Variants in UNC5C observed in about 807,000 individuals in gnomAD.
UNC5C encodes the protein netrin receptor UNC5C.
In UNC5C, 47 loss-of-function variants were observed where a neutral mutation model predicts 99.8. The ratio of observed to expected loss-of-function variants is 0.47; its 90% CI spans 0.37 to 0.60. The LOEUF is 0.60. UNC5C is among the 20% of genes least tolerant of loss of function. The probability of loss-of-function intolerance (pLI) is 0.00; values close to 1 mark genes in which losing one functional copy is unlikely to be tolerated. For synonymous variants in UNC5C, 487 were observed against 452.2 expected (o/e 1.08, Z -0.98); for missense variants, 1,062 against 1,165.9 (o/e 0.91, Z 1.30).
intron 7 of UNC5C, among the ~76,000 whole-genome samples, chr4:95,229,374 T>C (rs1428628508): frequency 6.6e-6 from 1 of 150,710 alleles, no homozygotes; most frequent in Non-Finnish European, 1.5e-5. Flanking sequence ...GAACATGCAG[T>C]GTTTGGTTTT....
chr4:95,252,749 G>A (rs573134566), intron 4 of UNC5C, among the ~76,000 whole-genome samples: 11 of 152,242 alleles, frequency 7.2e-5, no homozygotes, highest in South Asian at 2.1e-4. Flanking sequence ...CCTCATGACC[G>A]GTTGCAGTCA....
chr4:95,438,061 C>T (rs1296496463), intron 1 of UNC5C, among the ~76,000 whole-genome samples: 1 of 32,680 alleles, frequency 3.1e-5, no homozygotes, highest in African/African-American at 6.1e-5. Context: ...CACAGGATCT[C>T]CATTTACAGA....
In UNC5C at chr4:95,275,025, C is replaced by CAAACAAAACA. The variant is rs56173593; in HGVS notation, c.594+3224_594+3233dup. ...TGGATGACAGAGCAAGACTCCGTGT[C>CAAACAAAACA]AAACAAAACAAAACAAAACAAAACA... On this transcript the variant is annotated intron_variant, in intron 4 of 15. Coordinates refer to ENST00000453304, the MANE Select transcript of UNC5C (RefSeq NM_003728.4). 7.1e-4 allele frequency among the ~76,000 whole-genome samples: 106 copies of CAAACAAAACA among 150,266 alleles called. 1 individual carries two copies. The highest frequency in any genetic ancestry group is 1.9e-3 in the South Asian group (9 of 4,708).
intron 1 of UNC5C, among the ~76,000 whole-genome samples, chr4:95,532,216 G>T (rs768418337): frequency 1.3e-5 from 2 of 152,092 alleles, no homozygotes; most frequent in African/African-American, 4.8e-5. Context: ...ATCTCTGAGG[G>T]TGAGGAGATT....
At chr4:95,394,810 G>GA (rs1315675622) in intron 1 of UNC5C, among the ~76,000 whole-genome samples, 2 of 143,996 alleles carry the variant, frequency 1.4e-5, no homozygotes, top group African/African-American at 2.6e-5. Flanking sequence ...TAGGATTGAT[G>GA]AAAAAAATGG....
At position 95,548,842 on chromosome 4, in the gene UNC5C, G is replaced by T. The variant is rs765835503; in HGVS notation, c.16C>A (p.Arg6=). 3.7e-6 allele frequency: 6 copies of T among 1,613,000 alleles called. No homozygotes were observed. The South Asian group carries it at 5.5e-5, about 15-fold the overall frequency. The change falls in exon 1 of 16, where the codon CGG becomes AGG. Residue 6 remains arginine (R), a synonymous_variant. Coordinates refer to ENST00000453304, the MANE Select transcript of UNC5C (RefSeq NM_003728.4). MRKGL[R]ATAARCGLGL... ...AGTCCGCAGCGGGCCGCTGTCGCCC[G>T]CAGACCTTTCCTCATCGTAGACAGA...
intron 10 of UNC5C, among the ~76,000 whole-genome samples, chr4:95,214,546 G>T (rs1738181420): frequency 1.3e-5 from 2 of 152,246 alleles, no homozygotes; most frequent in African/African-American, 4.8e-5. Context: ...GCCAAGGAAA[G>T]TATGGGGAGA....
chr4:95,442,298 GCT>G (rs1170417252), intron 1 of UNC5C, among the ~76,000 whole-genome samples: 1 of 151,774 alleles, frequency 6.6e-6, no homozygotes, highest in Non-Finnish European at 1.5e-5. Flanking sequence ...GAATTCCTGG[GCT>G]CAAGTGATCC....
chr4:95,384,631 C>A (rs1745161425), intron 1 of UNC5C, among the ~76,000 whole-genome samples: 1 of 152,068 alleles, frequency 6.6e-6, no homozygotes, highest in Non-Finnish European at 1.5e-5. Context: ...GACATCCTGG[C>A]AGGAGGTCAT....
intron 7 of UNC5C, among the ~76,000 whole-genome samples, chr4:95,232,486 T>C (rs1738948882): frequency 6.6e-6 from 1 of 152,108 alleles, no homozygotes; most frequent in Non-Finnish European, 1.5e-5. Flanking sequence ...ATCTGCTAGA[T>C]TTCTAGCAAG....
chr4:95,419,864 C>T (rs1332546629), intron 1 of UNC5C, among the ~76,000 whole-genome samples: 1 of 152,034 alleles, frequency 6.6e-6, no homozygotes, highest in African/African-American at 2.4e-5. Context: ...TCATTGGCCT[C>T]TAGAACTTAA....
intron 1 of UNC5C, among the ~76,000 whole-genome samples, chr4:95,505,534 T>C (rs1022913293): frequency 1.3e-5 from 2 of 152,040 alleles, no homozygotes; most frequent in Admixed American, 6.6e-5. Flanking sequence ...ATAAACACTT[T>C]TTTTGGTTCT....
chr4:95,503,519 TAG>T (rs1578198786), intron 1 of UNC5C, among the ~76,000 whole-genome samples: 1 of 152,174 alleles, frequency 6.6e-6, no homozygotes, highest in East Asian at 1.9e-4. Flanking sequence ...TATTGTCTAT[TAG>T]AGAGTCATTT....
chr4:95,166,996 GTAT>G lies in UNC5C; in HGVS notation c.*2235_*2237del, dbSNP rs1735881240. 1 of 152,072 alleles carries G rather than the reference GTAT, an allele frequency of 6.6e-6. No individual in the cohort carries two copies. Among genetic ancestry groups the G allele is most frequent in the Non-Finnish European group, 1.5e-5 (1 of 68,012 alleles). 9.4% of individuals were successfully genotyped at this position (152,072 alleles called of 1,614,324 possible). ...GAGAGATTTTATAGAATATATGTAT[GTAT>G]GTCCAAAACAGAAGATACGGAATAA... On this transcript the variant is annotated 3_prime_UTR_variant, in exon 16 of 16. Transcript: ENST00000453304.
intron 1 of UNC5C, among the ~76,000 whole-genome samples, chr4:95,485,547 A>G (rs1721301647): frequency 6.6e-6 from 1 of 151,788 alleles, no homozygotes; most frequent in South Asian, 2.1e-4. Flanking sequence ...AAGGAAACTA[A>G]CATTAACACC....
intron 3 of UNC5C, among the ~76,000 whole-genome samples, chr4:95,293,749 C>A (rs1043679049): frequency 1.3e-5 from 2 of 152,164 alleles, no homozygotes; most frequent in African/African-American, 4.8e-5. Context: ...TGGCCTGACT[C>A]ACTGCTCCAT....
At chr4:95,434,443 G>A (rs1487648772) in intron 1 of UNC5C, among the ~76,000 whole-genome samples, 1 of 152,046 alleles carries the variant, frequency 6.6e-6, no homozygotes, top group Non-Finnish European at 1.5e-5. Flanking sequence ...ACGCAAGAAG[G>A]GGCACCTTAC....
At chr4:95,301,844 T>C (rs1388037741) in intron 2 of UNC5C, 95 bp from the exon 3 acceptor site, 2 of 1,460,024 alleles carry the variant, frequency 1.4e-6, no homozygotes, top group East Asian at 2.5e-5. Flanking sequence ...TCATCCCTTT[T>C]GATGCCATAG....
At chr4:95,211,915 T>G (rs767799034) in intron 10 of UNC5C, among the ~76,000 whole-genome samples, 17 of 152,184 alleles carry the variant, frequency 1.1e-4, no homozygotes, top group Non-Finnish European at 2.1e-4. Context: ...ACTCACTAAC[T>G]CCCACTGTTA....
Sources: gnomAD v4.1 joint callset for allele counts (sites outside exome capture counted in the v4.1 genomes callset) on GRCh38, gnomAD v4.1.1 for gene constraint, MANE v1.5 for transcripts, NCBI Gene and HGNC (gene_info 2026-07-23, HGNC 2026-07-21) for gene names.